DPYSL3: variants seen among roughly 807,000 people sequenced by gnomAD.
DPYSL3 encodes dihydropyrimidinase-related protein 3.
DPYSL3 carries 16 observed loss-of-function variants against 66.1 expected under a neutral mutation model. The ratio of observed to expected loss-of-function variants is 0.24; its 90% CI spans 0.16 to 0.37. The LOEUF is 0.37. Among genes scored for constraint, DPYSL3 ranks in the 10% least tolerant of loss-of-function variants. The pLI, the probability that DPYSL3 is intolerant of heterozygous loss-of-function variation, is 1.00. For synonymous variants in DPYSL3, 338 were observed against 345.1 expected (o/e 0.98, Z 0.23); for missense variants, 738 against 916.2 (o/e 0.81, Z 2.51).
At chr5:147,477,804 G>A (rs1434950146) in intron 1 of DPYSL3, among the ~76,000 whole-genome samples, 6 of 150,942 alleles carry the variant, frequency 4.0e-5, no homozygotes, top group Non-Finnish European at 5.9e-5. Context: ...GGATGGTCTC[G>A]ATCTCCTGAC....
intron 8 of DPYSL3, among the ~76,000 whole-genome samples, chr5:147,405,214 G>A (rs1028579143): frequency 6.6e-6 from 1 of 152,148 alleles, no homozygotes; most frequent in African/African-American, 2.4e-5. Flanking sequence ...CCTACAATCG[G>A]TTATTCACTT....
At chr5:147,474,660 C>CATGGTACATAA (rs1374466366) in intron 1 of DPYSL3, among the ~76,000 whole-genome samples, 6 of 151,996 alleles carry the variant, frequency 3.9e-5, no homozygotes, top group Non-Finnish European at 8.8e-5. Flanking sequence ...ATAGAAAGCA[C>CATGGTACATAA]TGTACATAAT....
chr5:147,502,928 G>A (rs1295691361), intron 1 of DPYSL3, among the ~76,000 whole-genome samples: 1 of 152,118 alleles, frequency 6.6e-6, no homozygotes, highest in Non-Finnish European at 1.5e-5. Flanking sequence ...CAGGTAAAGG[G>A]AGACGTGGGG....
intron 8 of DPYSL3, 44 bp from the exon 9 acceptor site, chr5:147,401,740 T>C: frequency 1.9e-6 from 3 of 1,610,072 alleles, no homozygotes; most frequent in Non-Finnish European, 2.5e-6. Context: ...ATAAAGTATA[T>C]GCTGCACTGG....
Position 147,509,781 on chromosome 5 carries a change from C to A in DPYSL3, c.78G>T (p.Thr26=). 1 of 1,535,990 alleles carries A rather than the reference C, an allele frequency of 6.5e-7. No individual in the cohort carries two copies. The highest frequency in any genetic ancestry group is 8.7e-7 in the Non-Finnish European group (1 of 1,146,800). Residue 26 remains threonine, a synonymous_variant, in exon 1 of 14, where the codon ACG becomes ACT. Transcript: ENST00000343218. This position sits in a 1 kb window ranked among gnomAD's most constrained non-coding sequence, Gnocchi z 5.3. ...LPVYLARPGT[T]DQVPRQKYGG... is the part of the protein sequence containing the mutation. ...CGTATTTCTGCCGCGGGACCTGGTC[C>A]GTGGTGCCCGGCCTGGCCAGGTACA...
chr5:147,403,975 C>A (rs916959386), intron 8 of DPYSL3, among the ~76,000 whole-genome samples: 1 of 152,122 alleles, frequency 6.6e-6, no homozygotes, highest in African/African-American at 2.4e-5. Flanking sequence ...CTGTCCCGAG[C>A]GGCCCTAGGT....
intron 7 of DPYSL3, among the ~76,000 whole-genome samples, chr5:147,406,896 A>T (rs1215801463): frequency 6.6e-6 from 1 of 152,132 alleles, no homozygotes; most frequent in African/African-American, 2.4e-5. Flanking sequence ...CAGCAGACAG[A>T]CCTAAGAACT....
intron 8 of DPYSL3, among the ~76,000 whole-genome samples, chr5:147,402,448 C>T (rs1187802079): frequency 7.3e-6 from 1 of 137,502 alleles, no homozygotes; most frequent in Non-Finnish European, 1.5e-5. Context: ...CCCGGGTTCA[C>T]GCCATTCTCC....
chr5:147,423,758 GGTGGA>G (rs1752134267), intron 2 of DPYSL3, among the ~76,000 whole-genome samples: 1 of 152,104 alleles, frequency 6.6e-6, no homozygotes, highest in Admixed American at 6.6e-5. Flanking sequence ...TGTCACCCAG[GGTGGA>G]GTGCTGGAGT....
Position 147,393,722 on chromosome 5 carries a change from A to T in DPYSL3, c.*313T>A. 3.9e-6 allele frequency: 1 copy of T among 253,770 alleles called. No homozygotes were observed. Among genetic ancestry groups the T allele is most frequent in the Non-Finnish European group, 7.7e-6 (1 of 129,572 alleles). The allele number at this position is 253,770 out of a possible 1,614,324, so 15.7% of individuals were successfully genotyped here. On this transcript the variant is annotated 3_prime_UTR_variant, in exon 14 of 14. Coordinates refer to ENST00000343218, the MANE Select transcript of DPYSL3 (RefSeq NM_001197294.2). ...CCAGCTTGTCTGTCCCCTTGTCATA[A>T]GATGCAGCACTACACACGCTCTCAA... is the stretch of plus-strand genomic sequence containing the variant.
intron 2 of DPYSL3, among the ~76,000 whole-genome samples, chr5:147,421,940 T>C (rs71475609): frequency 4.6e-5 from 7 of 152,198 alleles, no homozygotes; most frequent in African/African-American, 1.7e-4. Context: ...ACTCAGGGCA[T>C]AGGCATGGGC....
At position 147,418,583 on chromosome 5, in the gene DPYSL3, T is replaced by C. The variant is rs1173022930; in HGVS notation, c.519A>G (p.Glu173=). 18 of 1,611,350 alleles carry C rather than the reference T, an allele frequency of 1.1e-5. No homozygotes were observed. Among genetic ancestry groups the C allele is most frequent in the Non-Finnish European group, 1.5e-5 (18 of 1,178,452 alleles). ...LIVPGGVKTI[E]ANGKMVIPGG... is the part of the protein sequence containing the mutation. ...CAGGGATCACCATCTTCCCATTGGC[T>C]TCAATGGTCTTCACTCCTCCAGGAA... Residue 173 remains glutamate (E), a synonymous_variant, in exon 3 of 14, where the codon GAA becomes GAG. Transcript: ENST00000343218.
intron 1 of DPYSL3, among the ~76,000 whole-genome samples, chr5:147,508,609 C>CA (rs2126467290): frequency 6.6e-6 from 1 of 152,244 alleles, no homozygotes; most frequent in East Asian, 1.9e-4. Context: ...ACACATAAAT[C>CA]AGGGCAAGCT....
intron 1 of DPYSL3, among the ~76,000 whole-genome samples, chr5:147,502,312 A>C (rs1753623246): frequency 6.6e-6 from 1 of 152,112 alleles, no homozygotes; most frequent in Non-Finnish European, 1.5e-5. Flanking sequence ...TAAATGATAA[A>C]AAATAATTTA....
intron 12 of DPYSL3, among the ~76,000 whole-genome samples, chr5:147,396,434 C>T (rs1209837143): frequency 6.6e-6 from 1 of 152,166 alleles, no homozygotes; most frequent in Non-Finnish European, 1.5e-5. Context: ...TGCAAGACCA[C>T]CCATGGCAGC....
At chr5:147,427,255 T>G (rs1476332758) in intron 1 of DPYSL3, among the ~76,000 whole-genome samples, 3 of 152,226 alleles carry the variant, frequency 2.0e-5, no homozygotes, top group African/African-American at 7.2e-5. Flanking sequence ...AATAACAATG[T>G]TCTACTGTAG....
intron 1 of DPYSL3, among the ~76,000 whole-genome samples, chr5:147,489,092 C>G (rs1435915691): frequency 6.6e-6 from 1 of 152,034 alleles, no homozygotes; most frequent in East Asian, 1.9e-4. Flanking sequence ...GTTGGAGTCC[C>G]TCTCCACTTC....
At chr5:147,453,895 A>G in intron 1 of DPYSL3, 1 of 458,890 alleles carries the variant, frequency 2.2e-6, no homozygotes, top group East Asian at 3.9e-5. Flanking sequence ...TAAGACAAGA[A>G]TGGCTGATCT....
intron 1 of DPYSL3, among the ~76,000 whole-genome samples, chr5:147,493,587 A>AAAGG (rs1203053217): frequency 2.0e-5 from 3 of 151,992 alleles, no homozygotes; most frequent in African/African-American, 4.8e-5. Flanking sequence ...AAAAAGAAAG[A>AAAGG]AAGGAAGGAA....
Sources: allele counts gnomAD v4.1 joint callset (sites outside exome capture counted in the v4.1 genomes callset), GRCh38; gene constraint gnomAD v4.1.1; non-coding constraint Gnocchi (gnomAD v3.1); transcripts MANE v1.5; gene names NCBI Gene and HGNC (gene_info 2026-07-23, HGNC 2026-07-21).